PROM2: variants seen among roughly 807,000 people sequenced by gnomAD.
PROM2 encodes the protein prominin-2.
Under a neutral mutation model 110.2 loss-of-function variants are expected in PROM2, and 90 were observed. That is an observed-to-expected ratio of 0.82 (90% CI 0.69 to 0.97). The LOEUF (loss-of-function observed/expected upper bound fraction) is 0.97, where lower values mean the gene tolerates loss of function less well. Among genes scored for constraint, PROM2 ranks in the 50% least tolerant of loss-of-function variants. The probability of loss-of-function intolerance (pLI) is 0.00; values close to 1 mark genes in which losing one functional copy is unlikely to be tolerated. For missense variants in PROM2, 1,009 were observed against 1,074.8 expected (o/e 0.94, Z 0.86); for synonymous variants, 470 against 467.8 (o/e 1.00, Z -0.06).
chr2:95,278,964 A>G, intron 9 of PROM2, 21 bp from the exon 10 acceptor site: 1 of 1,597,450 alleles, frequency 6.3e-7, no homozygotes, highest in Non-Finnish European at 8.5e-7. Flanking sequence ...GCATCCCACA[A>G]GTCCCTGTTA....
chr2:95,281,378 CT>C lies in PROM2; in HGVS notation c.1551+14del, dbSNP rs778206771. The C allele has an allele frequency of 3.1e-5, 49 of 1,578,466 alleles. No homozygotes were observed. Among genetic ancestry groups the C allele is most frequent in the Non-Finnish European group, 3.8e-5 (44 of 1,161,520 alleles). On this transcript the variant is annotated intron_variant, in intron 12 of 23. Transcript: ENST00000317620. ...CGAGCTCTTTGAGGTAGGCCTGTCT[CT>C]GCTCACAGGCCCTCCTGGGGAGAGA...
intron 21 of PROM2, 82 bp from the exon 22 acceptor site, chr2:95,288,401 C>T (rs1677505177): frequency 6.3e-7 from 1 of 1,586,406 alleles, no homozygotes; most frequent in Non-Finnish European, 8.6e-7. Context: ...GGCATGGCCT[C>T]TGCCCCGGCT....
Position 95,282,180 on chromosome 2 carries a change from A to T in PROM2, c.1682A>T (p.Gln561Leu). Residue 561 changes from glutamine to leucine, a missense_variant, in exon 14 of 24, where the codon CAG becomes CTG. By Grantham distance (113) the Gln-to-Leu change is moderately radical. Coordinates refer to ENST00000317620, the MANE Select transcript of PROM2 (RefSeq NM_001165978.3). Reference protein sequence around the residue: ...KEGAALWTVLQLNDSYDLEEH... With the variant: ...KEGAALWTVLLLNDSYDLEEH... ...GGGGCAGCGCTCTGGACAGTCCTGC[A>T]GCTCAACGACTCCTACGACCTGGAG... The T allele has an allele frequency of 6.2e-7, 1 of 1,613,810 alleles. No homozygotes were observed. The highest frequency in any genetic ancestry group is 8.5e-7 in the Non-Finnish European group (1 of 1,179,974).
chr2:95,278,879 G>C, intron 9 of PROM2, 95 bp downstream of exon 9: 5 of 1,606,414 alleles, frequency 3.1e-6, no homozygotes, highest in Non-Finnish European at 3.4e-6. Flanking sequence ...GGTGGCGGGG[G>C]ACTGTCTTCC....
chr2:95,288,192 C>G lies in PROM2; in HGVS notation c.2245-19C>G. 6.2e-7 allele frequency: 1 copy of G among 1,611,972 alleles called. No individual in the cohort carries two copies. On this transcript the variant is annotated intron_variant, in intron 20 of 23. Transcript: ENST00000317620. Reference sequence around the variant, plus strand: ...GGTCCAGGTGTCTCTGCATCACCTGCCTCATGTTGGCGCCACAGGTGACTC... The same window carrying G: ...GGTCCAGGTGTCTCTGCATCACCTGGCTCATGTTGGCGCCACAGGTGACTC...
chr2:95,278,360 C>T, intron 8 of PROM2: 1 of 526,816 alleles, frequency 1.9e-6, no homozygotes, highest in South Asian at 2.2e-5. Flanking sequence ...ATGAGTCAGC[C>T]ATGCTGGGTG....
At position 95,279,852 on chromosome 2, in the gene PROM2, G is replaced by A. The variant is rs147461396; in HGVS notation, c.1282G>A (p.Val428Met). The change falls in exon 11 of 24, where the codon GTG becomes ATG. Residue 428 changes from valine to methionine, a missense_variant. Physicochemically the swap from Val to Met is conservative, Grantham distance 21. Transcript: ENST00000317620. ...ATGTCCTCTCTGTGGCAGGTGGATC[G>A]TGGGCTGCGTGCTGTGCTCCGTGGT... ...VQRYETYRWIVGCVLCSVVLF... is the reference protein window; with the variant it reads ...VQRYETYRWIMGCVLCSVVLF... 2,225 of 1,459,576 alleles carry A rather than the reference G, an allele frequency of 1.5e-3. 5 individuals are homozygous for A. The highest frequency in any genetic ancestry group is 1.7e-3 in the Non-Finnish European group (1,868 of 1,098,370). 90.4% of individuals were successfully genotyped at this position (1,459,576 alleles called of 1,614,324 possible).
In PROM2 at chr2:95,275,933, G is replaced by A; in HGVS notation, c.298G>A (p.Val100Met). 6.2e-7 allele frequency: 1 copy of A among 1,609,360 alleles called. No individual in the cohort carries two copies. Among genetic ancestry groups the A allele is most frequent in the Non-Finnish European group, 8.5e-7 (1 of 1,178,822 alleles). ...ELASVKVNEV[V>M]RYEAGYVVCA... is the part of the protein sequence containing the mutation. ...TCATGCCCTGCTGCCTGCCCAGGTG[G>A]TGCGGTACGAGGCGGGCTACGTGGT... The change falls in exon 3 of 24, where the codon GTG becomes ATG. Residue 100 changes from valine to methionine, a missense_variant. Coordinates refer to ENST00000317620, the MANE Select transcript of PROM2 (RefSeq NM_001165978.3). The surrounding 1 kb of genome is among the most constrained non-coding windows in gnomAD (Gnocchi z 4.4).
chr2:95,283,754 C>G (rs1018946444), intron 14 of PROM2, among the ~76,000 whole-genome samples: 1 of 151,896 alleles, frequency 6.6e-6, no homozygotes. Context: ...TGCTAAGGCT[C>G]TTTCCTGAAA....
intron 10 of PROM2, 77 bp downstream of exon 10, chr2:95,279,221 C>T: frequency 1.7e-6 from 2 of 1,189,964 alleles, no homozygotes; most frequent in Middle Eastern, 5.9e-4. Flanking sequence ...ACACCCTGAG[C>T]CCCATTCCCA....
chr2:95,276,661 A>G lies in PROM2; in HGVS notation c.682+4A>G, dbSNP rs762150143. On this transcript the variant is annotated splice_donor_region_variant and intron_variant, in intron 5 of 23. Coordinates refer to ENST00000317620, the MANE Select transcript of PROM2 (RefSeq NM_001165978.3). The surrounding 1 kb of genome is among the most constrained non-coding windows in gnomAD (Gnocchi z 4.6). ...CAAGTCTCAGAGGAGCTGGATGGTGAGGGTCTCGGGGACTGGCAGGTGGGC... is the reference window on the plus strand; with the variant it reads ...CAAGTCTCAGAGGAGCTGGATGGTGGGGGTCTCGGGGACTGGCAGGTGGGC... 6.2e-7 allele frequency: 1 copy of G among 1,612,228 alleles called. No individual in the cohort carries two copies. The highest frequency in any genetic ancestry group is 1.7e-5 in the Admixed American group (1 of 59,980).
chr2:95,285,532 T>C, intron 15 of PROM2, 107 bp from the exon 16 acceptor site: 3 of 835,000 alleles, frequency 3.6e-6, no homozygotes, highest in Non-Finnish European at 5.8e-6. Flanking sequence ...ACTTAGCTGG[T>C]GTAGGTTATA....
chr2:95,277,525 A>C lies in PROM2; in HGVS notation c.934A>C (p.Ser312Arg), dbSNP rs1052073099. 4.4e-6 allele frequency: 7 copies of C among 1,606,332 alleles called. No individual in the cohort carries two copies. The African/African-American group carries it at 8.0e-5, about 18-fold the overall frequency. ...RCQGDCAGALSWARTLELGAD... is the reference protein window; with the variant it reads ...RCQGDCAGALRWARTLELGAD... ...CCAGGGAGATTGTGCAGGGGCCCTGAGCTGGGCCCGCACCCTGGAGCTGGG... is the reference window on the plus strand; with the variant it reads ...CCAGGGAGATTGTGCAGGGGCCCTGCGCTGGGCCCGCACCCTGGAGCTGGG... The change falls in exon 7 of 24, where the codon AGC (serine) becomes CGC (arginine). Residue 312 changes from serine to arginine, a missense_variant. Transcript: ENST00000317620.
At position 95,289,905 on chromosome 2, in the gene PROM2, T is replaced by C. The variant is rs1202584376; in HGVS notation, c.*692T>C. 2 of 152,226 alleles carry C rather than the reference T, an allele frequency of 1.3e-5. No homozygotes were observed. The highest frequency in any genetic ancestry group is 4.8e-5 in the African/African-American group (2 of 41,436). 9.4% of individuals were successfully genotyped at this position (152,226 alleles called of 1,614,324 possible). A position where few individuals can be genotyped will look rare whatever the true frequency, so the allele number is the denominator to read the frequency against. On this transcript the variant is annotated 3_prime_UTR_variant, in exon 24 of 24. Transcript: ENST00000317620. Reference sequence around the variant, plus strand: ...TCCACTGCCCCAGGGCCTTGGGCCCTCTGCAGATCTCATCCAGGATTTATT... The same window carrying C: ...TCCACTGCCCCAGGGCCTTGGGCCCCCTGCAGATCTCATCCAGGATTTATT...
chr2:95,283,692 C>T (rs1234779542), intron 14 of PROM2, among the ~76,000 whole-genome samples: 1 of 152,208 alleles, frequency 6.6e-6, no homozygotes, highest in African/African-American at 2.4e-5. Context: ...ATCTGTTAAA[C>T]ACTGGGCTGA....
chr2:95,290,332 G>A lies in PROM2; in HGVS notation c.*1119G>A, dbSNP rs1677624664. 6.6e-6 allele frequency: 1 copy of A among 152,216 alleles called. No individual in the cohort carries two copies. The highest frequency in any genetic ancestry group is 2.4e-5 in the African/African-American group (1 of 41,428). 9.4% of individuals were successfully genotyped at this position (152,216 alleles called of 1,614,324 possible). ...TCACTTCCCTGAGACTTGGTTCTGGGTCCTTAAAACCAGGTTTCCTAGGCT... is the reference window on the plus strand; with the variant it reads ...TCACTTCCCTGAGACTTGGTTCTGGATCCTTAAAACCAGGTTTCCTAGGCT... On this transcript the variant is annotated 3_prime_UTR_variant, in exon 24 of 24. Transcript: ENST00000317620.
chr2:95,284,547 A>G (rs759224002), intron 14 of PROM2, among the ~76,000 whole-genome samples: 4 of 152,136 alleles, frequency 2.6e-5, no homozygotes, highest in Non-Finnish European at 5.9e-5. Context: ...TATAAAGAAA[A>G]GAGGTTTAAG....
chr2:95,290,715 G>C lies in PROM2; in HGVS notation c.*1502G>C, dbSNP rs1677642044. 1 of 152,276 alleles carries C rather than the reference G, an allele frequency of 6.6e-6. No homozygotes were observed. The highest frequency in any genetic ancestry group is 1.5e-5 in the Non-Finnish European group (1 of 68,078). 9.4% of individuals were successfully genotyped at this position (152,276 alleles called of 1,614,324 possible). ...GTCGTTGTTGTTGTTTGCCATGACTGCTCTGGGCCGGGGGTAGAGCTAGCA... is the reference window on the plus strand; with the variant it reads ...GTCGTTGTTGTTGTTTGCCATGACTCCTCTGGGCCGGGGGTAGAGCTAGCA... On this transcript the variant is annotated 3_prime_UTR_variant, in exon 24 of 24. Transcript: ENST00000317620.
At position 95,278,417 on chromosome 2, in the gene PROM2, GA is replaced by G. The variant is rs1676807239; in HGVS notation, c.1051-302del. The G allele has an allele frequency of 7.2e-6, 4 of 556,004 alleles. No homozygotes were observed. The East Asian group carries it at 1.2e-4, about 17-fold the overall frequency. 34.4% of individuals were successfully genotyped at this position (556,004 alleles called of 1,614,324 possible). On this transcript the variant is annotated intron_variant, in intron 8 of 23. Transcript: ENST00000317620. Reference sequence around the variant, plus strand: ...AGGAAGGAAGTCAGAGCTGAGGCTAGAAGGGTGGACTGGAGCTGGACCTTCA... The same window carrying G: ...AGGAAGGAAGTCAGAGCTGAGGCTAGAGGGTGGACTGGAGCTGGACCTTCA...
Sources: gnomAD v4.1 joint callset for allele counts (sites outside exome capture counted in the v4.1 genomes callset) on GRCh38, gnomAD v4.1.1 for gene constraint, Gnocchi (gnomAD v3.1) non-coding constraint, MANE v1.5 for transcripts, NCBI Gene and HGNC (gene_info 2026-07-23, HGNC 2026-07-21) for gene names.